The following SUPT3H variants were observed in gnomAD, a reference collection of about 807,000 sequenced individuals.
The protein encoded by SUPT3H is transcription initiation protein SPT3 homolog.
SUPT3H carries 44 observed loss-of-function variants against 44.3 expected under a neutral mutation model. That is an observed-to-expected ratio of 0.99 (90% CI 0.78 to 1.28). SUPT3H has a LOEUF of 1.28. SUPT3H is among the 50% of genes most tolerant of loss of function. The pLI is 0.00. For missense variants in SUPT3H, 380 were observed against 387.1 expected, an observed-to-expected ratio of 0.98 and a Z score of 0.15; for synonymous variants, 124 against 125.6, an observed-to-expected ratio of 0.99 and a Z score of 0.09.
chr6:44,963,475 G>C (rs1749103384), intron 6 of SUPT3H, among the ~76,000 whole-genome samples: 1 of 152,158 alleles, frequency 6.6e-6, no homozygotes, highest in Non-Finnish European at 1.5e-5. Flanking sequence ...GGGTGACAGA[G>C]TGAGACTCCG....
At chr6:45,009,145 G>A (rs1477900226) in intron 5 of SUPT3H, among the ~76,000 whole-genome samples, 2 of 151,986 alleles carry the variant, frequency 1.3e-5, no homozygotes, top group Non-Finnish European at 2.9e-5. Flanking sequence ...TTGTTAAGTT[G>A]CATGCATTCT....
intron 2 of SUPT3H, among the ~76,000 whole-genome samples, chr6:45,347,066 G>A (rs1484426604): frequency 2.6e-5 from 4 of 151,988 alleles, no homozygotes; most frequent in African/African-American, 9.7e-5. Flanking sequence ...ATTAAAAATT[G>A]AACACATTTT....
intron 2 of SUPT3H, among the ~76,000 whole-genome samples, chr6:45,274,635 C>T (rs2153663428): frequency 6.6e-6 from 1 of 152,314 alleles, no homozygotes; most frequent in East Asian, 1.9e-4. Context: ...AATCGCAGCA[C>T]TCTGGGAGGC....
rs1767364929 is a variant in SUPT3H at position 45,228,597 on chromosome 6, A to G, written c.102-122591T>C. 2.0e-5 allele frequency among the ~76,000 whole-genome samples: 3 copies of G among 152,170 alleles called. 1 individual carries two copies. Among genetic ancestry groups the G allele is most frequent in the African/African-American group, 7.2e-5 (3 of 41,438 alleles). ...TATGCAAACACCCGCGCGCGCGCAC[A>G]CACACACACTATTGGTTTTCTCTGA... On this transcript the variant is annotated intron_variant, in intron 2 of 10. Coordinates refer to ENST00000371459, the MANE Select transcript of SUPT3H (RefSeq NM_003599.4).
chr6:45,236,290 T>G (rs1177613359), intron 2 of SUPT3H, among the ~76,000 whole-genome samples: 2 of 152,036 alleles, frequency 1.3e-5, no homozygotes, highest in Non-Finnish European at 1.5e-5. Context: ...GGGGCAATGG[T>G]TGGAGAACAT....
At chr6:44,814,900 C>G (rs1766805499) in intron 11 of SUPT3H, among the ~76,000 whole-genome samples, 1 of 152,118 alleles carries the variant, frequency 6.6e-6, no homozygotes, top group Non-Finnish European at 1.5e-5. Context: ...TGGTTTCAAA[C>G]TCTTGGCCTC....
At chr6:44,964,969 G>A (rs1776580659) in intron 6 of SUPT3H, among the ~76,000 whole-genome samples, 3 of 152,178 alleles carry the variant, frequency 2.0e-5, no homozygotes, top group Admixed American at 1.3e-4. Flanking sequence ...CAATTCCTAA[G>A]TCAGCCTATT....
intron 2 of SUPT3H, among the ~76,000 whole-genome samples, chr6:45,211,743 G>A (rs1363972290): frequency 2.0e-5 from 3 of 152,110 alleles, no homozygotes; most frequent in African/African-American, 7.2e-5. Context: ...CAGCTACACG[G>A]GAGGCTGAAG....
chr6:45,134,364 T>C (rs1359086691), intron 2 of SUPT3H, among the ~76,000 whole-genome samples: 4 of 152,208 alleles, frequency 2.6e-5, no homozygotes, highest in African/African-American at 4.8e-5. Flanking sequence ...AAGAAGTCTC[T>C]AACACATGAA....
intron 10 of SUPT3H, among the ~76,000 whole-genome samples, chr6:44,831,048 G>A (rs1216046372): frequency 3.3e-5 from 5 of 152,000 alleles, no homozygotes; most frequent in Non-Finnish European, 7.4e-5. Flanking sequence ...TCAACATGAG[G>A]TGAAACAAAT....
chr6:45,330,061 T>C, intron 2 of SUPT3H, among the ~76,000 whole-genome samples: 1 of 151,724 alleles, frequency 6.6e-6, no homozygotes, highest in East Asian at 1.9e-4. Flanking sequence ...TAATTAAACC[T>C]GAAGGGAGAA....
chr6:45,121,227 T>C (rs1171336221), intron 2 of SUPT3H, among the ~76,000 whole-genome samples: 2 of 152,112 alleles, frequency 1.3e-5, no homozygotes, highest in Non-Finnish European at 2.9e-5. Flanking sequence ...GAGTAAAAAT[T>C]AGAGCTTCTC....
At chr6:44,926,080 G>A (rs1038766846) in intron 10 of SUPT3H, among the ~76,000 whole-genome samples, 5 of 152,054 alleles carry the variant, frequency 3.3e-5, no homozygotes, top group African/African-American at 1.2e-4. Flanking sequence ...CCCGCGATAC[G>A]CTTGTAGTAA....
At chr6:44,962,581 A>ATTT (rs11372728) in intron 6 of SUPT3H, among the ~76,000 whole-genome samples, 2 of 149,980 alleles carry the variant, frequency 1.3e-5, no homozygotes, top group African/African-American at 2.4e-5. Context: ...CTGAGATTTA[A>ATTT]TTTTTTTTTT....
chr6:44,906,352 G>C (rs1766075479), intron 10 of SUPT3H, among the ~76,000 whole-genome samples: 1 of 152,084 alleles, frequency 6.6e-6, no homozygotes, highest in Non-Finnish European at 1.5e-5. Flanking sequence ...AATGTTTATT[G>C]TTTAAAGGTG....
intron 3 of SUPT3H, among the ~76,000 whole-genome samples, chr6:45,085,434 T>C (rs377181730): frequency 1.3e-5 from 2 of 152,144 alleles, no homozygotes; most frequent in East Asian, 3.9e-4. Flanking sequence ...CTGTTTTGTT[T>C]CTCCTTTTTT....
At chr6:45,371,748 GA>G in intron 1 of SUPT3H, 16 of 751,824 alleles carry the variant, frequency 2.1e-5, no homozygotes, top group Non-Finnish European at 2.6e-5. Context: ...TTGTTTAAAA[GA>G]AAATCTTAGG....
At chr6:44,834,803 T>G (rs1769505537) in intron 10 of SUPT3H, among the ~76,000 whole-genome samples, 1 of 151,856 alleles carries the variant, frequency 6.6e-6, no homozygotes, top group Admixed American at 6.6e-5. Flanking sequence ...AAAGAAACAG[T>G]TTTTCTGGAT....
intron 10 of SUPT3H, among the ~76,000 whole-genome samples, chr6:44,881,470 AC>A (rs1778210696): frequency 6.6e-6 from 1 of 152,166 alleles, no homozygotes; most frequent in Admixed American, 6.5e-5. Context: ...TCAATATTAG[AC>A]AGATCAACAA....
Sources: gnomAD v4.1 joint callset for allele counts (sites outside exome capture counted in the v4.1 genomes callset) on GRCh38, gnomAD v4.1.1 for gene constraint, MANE v1.5 for transcripts, NCBI Gene and HGNC (gene_info 2026-07-23, HGNC 2026-07-21) for gene names.